The following RALGAPA1 variants were observed in gnomAD, a reference collection of about 807,000 sequenced individuals.
The protein encoded by RALGAPA1 is ral GTPase-activating protein subunit alpha-1.
RALGAPA1 carries 52 observed loss-of-function variants against 269.6 expected under a neutral mutation model. That is an observed-to-expected ratio of 0.19 (90% confidence interval 0.15 to 0.24). RALGAPA1 has a LOEUF of 0.24. Among genes scored for constraint, RALGAPA1 ranks in the 10% least tolerant of loss-of-function variants. RALGAPA1 has a pLI of 1.00. For missense variants in RALGAPA1, 1,917 were observed against 3,013.9 expected (o/e 0.64, Z 8.52); for synonymous variants, 817 against 1,008.3 (o/e 0.81, Z 3.60).
intron 33 of RALGAPA1, among the ~76,000 whole-genome samples, chr14:35,632,674 A>T (rs1258394725): frequency 6.6e-6 from 1 of 152,232 alleles, no homozygotes; most frequent in Non-Finnish European, 1.5e-5. Flanking sequence ...TTTGACAAAA[A>T]GCCAACTTCA....
At position 35,678,076 on chromosome 14, in the gene RALGAPA1, A is replaced by G. The variant is rs371503384; in HGVS notation, c.4498T>C (p.Ser1500Pro). The stretch of plus-strand genomic sequence containing the variant: ...GTCTGTGACCTGGAGCCCAGAGGTG[A>G]GTGGACTGGGGAAGCACTTTCTGAA... ...TGSESASPVH[S>P]PLGSRSQTPS... is the part of the protein sequence containing the mutation. The change falls in exon 22 of 42, where the codon TCA becomes CCA. Residue 1500 changes from serine to proline, a missense_variant. Ser to Pro is a moderately conservative substitution (Grantham distance 74). Around this residue, in one of 11 missense-constraint regions of RALGAPA1, gnomAD observed 615 missense variants for 790.0 expected, o/e 0.78. Transcript: ENST00000680220. The G allele has an allele frequency of 3.0e-5, 48 of 1,607,616 alleles. No individual in the cohort carries two copies. The highest frequency in any genetic ancestry group is 4.0e-5 in the Non-Finnish European group (47 of 1,178,628).
At chr14:35,554,472 A>G (rs1029889051) in intron 39 of RALGAPA1, among the ~76,000 whole-genome samples, 9 of 142,762 alleles carry the variant, frequency 6.3e-5, no homozygotes, top group East Asian at 2.1e-4. Context: ...TCAGCCTCCC[A>G]AGTAGCTGGG....
intron 37 of RALGAPA1, among the ~76,000 whole-genome samples, chr14:35,576,469 C>G (rs2057568127): frequency 1.3e-5 from 2 of 152,290 alleles, no homozygotes; most frequent in South Asian, 4.1e-4. Flanking sequence ...TGTGCTGGCT[C>G]TCTGCCAGAT....
intron 21 of RALGAPA1, among the ~76,000 whole-genome samples, chr14:35,679,402 T>A (rs58512629): frequency 0.018 from 2,773 of 152,308 alleles, 81 homozygotes; most frequent in African/African-American, 0.063. Flanking sequence ...ATATGGTAAG[T>A]CAAAATTGTA....
chr14:35,678,230 G>A (rs2065126375), intron 21 of RALGAPA1, 128 bp from the exon 22 acceptor site: 1 of 797,288 alleles, frequency 1.3e-6, no homozygotes, highest in Non-Finnish European at 1.9e-6. Context: ...AACTGGCCAG[G>A]GAGGTCAAGA....
At chr14:35,723,414 A>G (rs1022753338) in intron 14 of RALGAPA1, 150 bp from the exon 15 acceptor site, 3 of 518,314 alleles carry the variant, frequency 5.8e-6, no homozygotes, top group African/African-American at 5.8e-5. Flanking sequence ...TGTAAAAGCA[A>G]TTCATGCAAT....
At chr14:35,780,127 G>A (rs992351079) in intron 1 of RALGAPA1, among the ~76,000 whole-genome samples, 7 of 151,808 alleles carry the variant, frequency 4.6e-5, no homozygotes, top group Admixed American at 3.3e-4. Context: ...ATTATTGCTA[G>A]AGAAGAAGGA....
chr14:35,746,188 T>C (rs1454883747), intron 10 of RALGAPA1, among the ~76,000 whole-genome samples: 1 of 152,232 alleles, frequency 6.6e-6, no homozygotes, highest in Non-Finnish European at 1.5e-5. Context: ...TAATCTCACT[T>C]AAATTTGCAA....
At chr14:35,780,592 T>C (rs1426229215) in intron 1 of RALGAPA1, among the ~76,000 whole-genome samples, 1 of 152,146 alleles carries the variant, frequency 6.6e-6, no homozygotes, top group Non-Finnish European at 1.5e-5. Flanking sequence ...TATGTGGAAA[T>C]TTAGCAATAC....
At chr14:35,625,454 C>G (rs200497444) in intron 34 of RALGAPA1, 22 bp from the exon 35 acceptor site, 2 of 1,536,402 alleles carry the variant, frequency 1.3e-6, no homozygotes, top group Admixed American at 1.8e-5. Flanking sequence ...GATTTATAAA[C>G]ATTTTCATCA....
chr14:35,639,437 G>A (rs1156652945), intron 31 of RALGAPA1, among the ~76,000 whole-genome samples: 3 of 152,144 alleles, frequency 2.0e-5, no homozygotes, highest in Non-Finnish European at 2.9e-5. Flanking sequence ...GATATTTACA[G>A]AACATTTCAT....
chr14:35,572,138 C>T (rs2057253305), intron 38 of RALGAPA1, among the ~76,000 whole-genome samples: 2 of 151,960 alleles, frequency 1.3e-5, no homozygotes, highest in Admixed American at 6.6e-5. Flanking sequence ...TTTGTAGAAT[C>T]CTCATTTATT....
At chr14:35,629,011 GA>G (rs1298858639) in intron 33 of RALGAPA1, among the ~76,000 whole-genome samples, 1 of 152,096 alleles carries the variant, frequency 6.6e-6, no homozygotes, top group African/African-American at 2.4e-5. Flanking sequence ...GGGGGAGAAG[GA>G]AGAAGGGAAC....
intron 31 of RALGAPA1, among the ~76,000 whole-genome samples, chr14:35,643,902 G>C (rs1159398658): frequency 6.6e-6 from 1 of 152,166 alleles, no homozygotes; most frequent in African/African-American, 2.4e-5. Flanking sequence ...GCAGTGGGGA[G>C]TATGGGGTAA....
chr14:35,689,123 A>G lies in RALGAPA1; in HGVS notation c.3288T>C (p.His1096=). The change falls in exon 18 of 42, where the codon CAT becomes CAC. Residue 1096 remains histidine, a synonymous_variant. Coordinates refer to ENST00000680220, the MANE Select transcript of RALGAPA1 (RefSeq NM_001346249.2). The stretch of plus-strand genomic sequence containing the variant: ...GTGTTGCTTTCTTGGCACGCATAAC[A>G]TGTGGGACAGTGATTTTTTCATTAA... ...VQINEKITVP[H]VMRAKKATLK... The G allele has an allele frequency of 1.6e-6, 2 of 1,235,424 alleles. No individual in the cohort carries two copies. Among genetic ancestry groups the G allele is most frequent in the Non-Finnish European group, 2.0e-6 (2 of 989,962 alleles). The allele number at this position is 1,235,424 out of a possible 1,614,324, so 76.5% of individuals were successfully genotyped here.
chr14:35,548,352 C>T (rs1056395213), intron 41 of RALGAPA1, among the ~76,000 whole-genome samples, 156 bp downstream of exon 41: 1 of 152,042 alleles, frequency 6.6e-6, no homozygotes, highest in Admixed American at 6.6e-5. Flanking sequence ...CAGTATAATA[C>T]TGGAAAAAAT....
At chr14:35,620,205 C>T (rs1382552611) in intron 35 of RALGAPA1, among the ~76,000 whole-genome samples, 1 of 152,196 alleles carries the variant, frequency 6.6e-6, no homozygotes, top group African/African-American at 2.4e-5. Context: ...GATGGTCCAA[C>T]ATACGCAAAT....
At chr14:35,615,497 A>C (rs1037417593) in intron 35 of RALGAPA1, among the ~76,000 whole-genome samples, 2 of 152,212 alleles carry the variant, frequency 1.3e-5, no homozygotes, top group African/African-American at 2.4e-5. Flanking sequence ...GGAAAGCTCA[A>C]AAATTGTCTT....
At chr14:35,544,153 AGATTAGTTT>A (rs1176288174) in intron 41 of RALGAPA1, among the ~76,000 whole-genome samples, 2 of 152,240 alleles carry the variant, frequency 1.3e-5, no homozygotes, top group Non-Finnish European at 2.9e-5. Context: ...ATTTAAATCC[AGATTAGTTT>A]GATTCCAAAG....
Sources: gnomAD v4.1 joint callset for allele counts (sites outside exome capture counted in the v4.1 genomes callset) on GRCh38, gnomAD v4.1.1 for gene constraint, gnomAD v4.1.1 regional missense constraint, MANE v1.5 for transcripts, NCBI Gene and HGNC (gene_info 2026-07-23, HGNC 2026-07-21) for gene names.